Variants in DST observed in about 807,000 individuals in gnomAD.
The protein encoded by DST is bullous pemphigoid antigen.
DST carries 253 observed loss-of-function variants against 875.2 expected under a neutral mutation model. That is an observed-to-expected ratio of 0.29 (90% CI 0.26 to 0.32). The LOEUF (loss-of-function observed/expected upper bound fraction) is 0.32. Among genes scored for constraint, DST ranks in the 10% least tolerant of loss-of-function variants. The pLI is 1.00. For missense variants in DST, 8,287 were observed against 9,111.6 expected, an observed-to-expected ratio of 0.91 and a Z score of 3.68; for synonymous variants, 3,124 against 3,197.1, an observed-to-expected ratio of 0.98 and a Z score of 0.77.
chr6:56,614,455 A>G lies in DST; in HGVS notation c.4959T>C (p.His1653=), dbSNP rs1431753588. The G allele has an allele frequency of 6.2e-7, 1 of 1,607,752 alleles. No individual in the cohort carries two copies. The highest frequency in any genetic ancestry group is 1.7e-5 in the Admixed American group (1 of 59,060). The change falls in exon 37 of 104, where the codon CAT becomes CAC. Residue 1653 remains histidine, a synonymous_variant. Transcript: ENST00000680361. ...EKSLEEEKKE[H]VEKAKELQKW... ...TTTGCAATTCTTTGGCTTTTTCAAC[A>G]TGTTCTTTCTTTTCTTCTTCCAGTG... is the stretch of plus-strand genomic sequence containing the variant.
chr6:56,705,379 G>A (rs1266522298), intron 5 of DST, among the ~76,000 whole-genome samples: 1 of 152,182 alleles, frequency 6.6e-6, no homozygotes, highest in African/African-American at 2.4e-5. Flanking sequence ...AAAATGTCAA[G>A]TGAGTATATA....
intron 3 of DST, among the ~76,000 whole-genome samples, chr6:56,867,625 TC>T (rs1774831604): frequency 6.6e-6 from 1 of 152,106 alleles, no homozygotes; most frequent in African/African-American, 2.4e-5. Context: ...ATCAAGACCA[TC>T]CTGGCCAACA....
At chr6:56,903,896 C>T (rs969349450) in intron 2 of DST, among the ~76,000 whole-genome samples, 4 of 152,164 alleles carry the variant, frequency 2.6e-5, no homozygotes, top group African/African-American at 9.7e-5. Context: ...TTTAAAATAA[C>T]TATTTATAAG....
At chr6:56,853,415 C>G (rs1766270597) in intron 3 of DST, among the ~76,000 whole-genome samples, 2 of 152,148 alleles carry the variant, frequency 1.3e-5, no homozygotes, top group African/African-American at 4.8e-5. Flanking sequence ...TTGTTTTTGG[C>G]TGGCTCTGCA....
intron 4 of DST, among the ~76,000 whole-genome samples, chr6:56,836,881 TAAAC>T (rs70989734): frequency 0.11 from 15,182 of 142,074 alleles, 1,268 homozygotes; most frequent in Non-Finnish European, 0.17. Context: ...AAAAAGAAAA[TAAAC>T]AAAGAAAAAA....
At position 56,606,481 on chromosome 6, in the gene DST, A is replaced by C; in HGVS notation, c.8147T>G (p.Val2716Gly). The change falls in exon 40 of 104, where the codon GTG becomes GGG. Residue 2716 changes from valine (V) to glycine (G), a missense_variant. Around this residue, in one of 10 missense-constraint regions of DST, gnomAD observed 3,138 missense variants for 3,116.6 expected, o/e 1.01. Transcript: ENST00000680361. ...IHLNPVGSDK[V>G]NGQSLETGSE... is the part of the protein sequence containing the mutation. ...TCCAGTTTCCAGTGACTGTCCATTCACCTTATCTGAGCCAACAGGATTTAA... is the reference window on the plus strand; with the variant it reads ...TCCAGTTTCCAGTGACTGTCCATTCCCCTTATCTGAGCCAACAGGATTTAA... 1.2e-6 allele frequency: 2 copies of C among 1,613,324 alleles called. No individual in the cohort carries two copies. Among genetic ancestry groups the C allele is most frequent in the Non-Finnish European group, 1.7e-6 (2 of 1,179,540 alleles).
At chr6:56,815,138 A>G (rs1179135309) in intron 4 of DST, among the ~76,000 whole-genome samples, 1 of 152,220 alleles carries the variant, frequency 6.6e-6, no homozygotes, top group African/African-American at 2.4e-5. Context: ...ATGCAGATTA[A>G]TTTAACATAT....
In DST at chr6:56,745,969, CAG is replaced by C. The variant is rs1179798783; in HGVS notation, c.626-10682_626-10681del. On this transcript the variant is annotated intron_variant, in intron 4 of 103. Coordinates refer to ENST00000680361, the MANE Select transcript of DST (RefSeq NM_001374736.1). ...ACCGTAATGTGGGTGTGTAAAATGG[CAG>C]AGACTTTTTTATTTTTTATTTTTTT... Among the ~76,000 whole-genome samples, 4 of 152,150 alleles carry C rather than the reference CAG, an allele frequency of 2.6e-5. No individual in the cohort carries two copies. The East Asian group carries it at 7.7e-4, about 29-fold the overall frequency.
At chr6:56,918,801 G>C (rs1034173364) in intron 2 of DST, among the ~76,000 whole-genome samples, 9 of 152,124 alleles carry the variant, frequency 5.9e-5, no homozygotes, top group African/African-American at 2.2e-4. Context: ...ACTGAGGCAG[G>C]AGAATTGCTT....
chr6:56,651,144 G>A lies in DST; in HGVS notation c.1315C>T (p.Leu439=). 1 of 1,612,340 alleles carries A rather than the reference G, an allele frequency of 6.2e-7. No individual in the cohort carries two copies. The highest frequency in any genetic ancestry group is 8.5e-7 in the Non-Finnish European group (1 of 1,178,934). ...VAEKIGVIRL[L]DPEDVDVSSP... is the part of the protein sequence containing the mutation. ...GAAAATAACTCACCTTCAGGGTCCA[G>A]AAGTCTTATAACACCAATTTTTTCT... is the stretch of plus-strand genomic sequence containing the variant. Residue 439 remains leucine, a synonymous_variant, in exon 11 of 104, where the codon CTG becomes TTG. Coordinates refer to ENST00000680361, the MANE Select transcript of DST (RefSeq NM_001374736.1).
At position 56,497,475 on chromosome 6, in the gene DST, C is replaced by A; in HGVS notation, c.20127G>T (p.Leu6709Phe). 6.2e-7 allele frequency: 1 copy of A among 1,613,116 alleles called. No homozygotes were observed. The change falls in exon 82 of 104, where the codon TTG becomes TTT. Residue 6709 changes from leucine to phenylalanine, a missense_variant. By Grantham distance (22) the Leu-to-Phe change is conservative. Transcript: ENST00000680361. ...GCTCCGTGTCAGTCAGCCACTGCTG[C>A]AAATCCTCAATTTCGCCATGGAACC... is the stretch of plus-strand genomic sequence containing the variant. ...AKGFHGEIED[L>F]QQWLTDTERH...
chr6:56,873,094 G>A (rs1778112584), intron 3 of DST, among the ~76,000 whole-genome samples: 1 of 152,108 alleles, frequency 6.6e-6, no homozygotes, highest in Non-Finnish European at 1.5e-5. Flanking sequence ...TTGACAATTA[G>A]TGATGTTGAG....
In DST at chr6:56,618,074, T is replaced by G. The variant is rs2098646284; in HGVS notation, c.4930-3590A>C. 5.0e-6 allele frequency: 8 copies of G among 1,614,104 alleles called. 1 individual carries two copies. In the East Asian group the frequency reaches 1.8e-4, roughly 36 times the overall value. ...TGGTCTAGAATTGTTCAGGGCTTGG[T>G]CTCTTATCTTCTCAATTTCAGACAG... On this transcript the variant is annotated intron_variant, in intron 36 of 103. Coordinates refer to ENST00000680361, the MANE Select transcript of DST (RefSeq NM_001374736.1).
chr6:56,946,336 G>T lies in DST; in HGVS notation c.216+7449C>A, dbSNP rs539655439. On this transcript the variant is annotated intron_variant, in intron 2 of 103. Coordinates refer to ENST00000680361, the MANE Select transcript of DST (RefSeq NM_001374736.1). ...ACCTAAGTGTGAGTGGTTCTAAATA[G>T]TAGCAGCAGAAGCCAGATTAAATTG... 2.0e-5 allele frequency among the ~76,000 whole-genome samples: 3 copies of T among 152,342 alleles called. No individual in the cohort carries two copies. In the South Asian group the frequency reaches 6.2e-4, roughly 32 times the overall value.
chr6:56,716,073 A>G (rs944726961), intron 5 of DST, among the ~76,000 whole-genome samples: 1 of 152,242 alleles, frequency 6.6e-6, no homozygotes, highest in Non-Finnish European at 1.5e-5. Context: ...GCAAAAAGGA[A>G]GCTTGCCCTC....
chr6:56,756,449 G>A (rs1192832022), intron 4 of DST, among the ~76,000 whole-genome samples: 1 of 152,140 alleles, frequency 6.6e-6, no homozygotes, highest in Non-Finnish European at 1.5e-5. Flanking sequence ...AGAGTTCACT[G>A]GTAGCTGACT....
chr6:56,614,771 A>C, intron 36 of DST: 1 of 1,037,666 alleles, frequency 9.6e-7, no homozygotes, highest in Non-Finnish European at 1.2e-6. Flanking sequence ...TTTATTCATG[A>C]GGCACTAGAA....
intron 2 of DST, among the ~76,000 whole-genome samples, chr6:56,930,726 T>C (rs1809740747): frequency 6.6e-6 from 1 of 152,220 alleles, no homozygotes; most frequent in African/African-American, 2.4e-5. Flanking sequence ...TTATCAGTAA[T>C]TTTTCTAGTG....
In DST at chr6:56,601,954, G is replaced by T. The variant is rs1368786489; in HGVS notation, c.11308-278C>A. ...CACATTGCACTTAAAATATAACTCT[G>T]ACAAAAGGCAAAGACCTAACTTAGG... On this transcript the variant is annotated intron_variant, in intron 43 of 103. Transcript: ENST00000680361. 6.8e-6 allele frequency: 3 copies of T among 440,134 alleles called. No individual in the cohort carries two copies. The Admixed American group carries it at 1.1e-4, about 17-fold the overall frequency. 27.3% of individuals were successfully genotyped at this position (440,134 alleles called of 1,614,324 possible). A position where few individuals can be genotyped will look rare whatever the true frequency, so the allele number is the denominator to read the frequency against.
Sources: gnomAD v4.1 joint callset for allele counts (sites outside exome capture counted in the v4.1 genomes callset) on GRCh38, gnomAD v4.1.1 for gene constraint, gnomAD v4.1.1 regional missense constraint, MANE v1.5 for transcripts, NCBI Gene and HGNC (gene_info 2026-07-23, HGNC 2026-07-21) for gene names.